The following ERLIN2 variants were observed in gnomAD, a reference collection of about 807,000 sequenced individuals.
ERLIN2 encodes ER lipid raft associated 2.
Under a neutral mutation model 41.5 loss-of-function variants are expected in ERLIN2, and 22 were observed. That is an observed-to-expected ratio of 0.53 (90% CI 0.38 to 0.76). The LOEUF (loss-of-function observed/expected upper bound fraction) is 0.76, where lower values mean the gene tolerates loss of function less well. ERLIN2 is among the 30% of genes least tolerant of loss of function. The pLI is 0.00. For synonymous variants in ERLIN2, 149 were observed against 150.9 expected (o/e 0.99, Z 0.09); for missense variants, 247 against 414.3 (o/e 0.60, Z 3.51).
In ERLIN2 at chr8:37,754,326, T is replaced by C. The variant is rs1803305912; in HGVS notation, c.*211T>C. ...TTTTATTTCAGGTAAGCAGTTTATA[T>C]GACTTCCAATAAGATTTGTAAATCA... On this transcript the variant is annotated 3_prime_UTR_variant, in exon 12 of 12. Coordinates refer to ENST00000519638, the MANE Select transcript of ERLIN2 (RefSeq NM_007175.8). 1.7e-6 allele frequency: 1 copy of C among 577,778 alleles called. No homozygotes were observed. The highest frequency in any genetic ancestry group is 3.1e-6 in the Non-Finnish European group (1 of 323,574). 35.8% of individuals were successfully genotyped at this position (577,778 alleles called of 1,614,324 possible).
At chr8:37,747,530 C>T in intron 6 of ERLIN2, 3 of 1,612,564 alleles carry the variant, frequency 1.9e-6, no homozygotes, top group Non-Finnish European at 2.5e-6. Flanking sequence ...ATGGTAGACA[C>T]AGTGACAGAA....
Position 37,741,948 on chromosome 8 carries a change from T to A in ERLIN2, c.236+130T>A, listed in dbSNP as rs1159501374. 4.1e-6 allele frequency: 3 copies of A among 737,016 alleles called. No individual in the cohort carries two copies. Among genetic ancestry groups the A allele is most frequent in the Non-Finnish European group, 7.3e-6 (3 of 409,528 alleles). The allele number at this position is 737,016 out of a possible 1,614,324, so 45.7% of individuals were successfully genotyped here. On this transcript the variant is annotated intron_variant, in intron 4 of 11. Coordinates refer to ENST00000519638, the MANE Select transcript of ERLIN2 (RefSeq NM_007175.8). This position sits in a 1 kb window ranked among gnomAD's most constrained non-coding sequence, Gnocchi z 4.8. ...TAATTCCCTGTCTCGTAGCTCCCTA[T>A]ATTGATTTGACCAGGTGATGGAGTG...
At chr8:37,747,261 T>C (rs1254158827) in intron 6 of ERLIN2, 2 of 784,598 alleles carry the variant, frequency 2.5e-6, no homozygotes, top group Non-Finnish European at 4.7e-6. Context: ...GGAACCAGTC[T>C]ATGTAATCAA....
intron 6 of ERLIN2, chr8:37,747,935 C>G (rs1485698367): frequency 1.2e-6 from 2 of 1,614,202 alleles, no homozygotes; most frequent in Admixed American, 1.7e-5. Flanking sequence ...AGGGGCTTCT[C>G]GCCGTCGTCA....
rs1216082600 is a variant in ERLIN2, at chr8:37,745,363, G to A, written c.424+667G>A. ...CACTTTAAACAAAAAGATTCCACGT[G>A]CCTAAGTAGATATGTTTTGTCCTTT... On this transcript the variant is annotated intron_variant, in intron 6 of 11. Transcript: ENST00000519638. The A allele has an allele frequency of 6.6e-6, 4 of 601,630 alleles. No homozygotes were observed. The East Asian group carries it at 8.3e-5, about 12-fold the overall frequency. The allele number at this position is 601,630 out of a possible 1,614,324, so 37.3% of individuals were successfully genotyped here. A position where few individuals can be genotyped will look rare whatever the true frequency, so the allele number is the denominator to read the frequency against.
Position 37,750,131 on chromosome 8 carries a change from A to C in ERLIN2, c.558-264A>C. ...GTTCAGTGACTCATGCCCAAGGTGG[A>C]GACAGGAGCAAGAGACCAGTAAGTG... On this transcript the variant is annotated intron_variant, in intron 8 of 11. Coordinates refer to ENST00000519638, the MANE Select transcript of ERLIN2 (RefSeq NM_007175.8). 6 of 620,360 alleles carry C rather than the reference A, an allele frequency of 9.7e-6. No individual in the cohort carries two copies. In the South Asian group the frequency reaches 1.2e-4, roughly 12 times the overall value. 38.4% of individuals were successfully genotyped at this position (620,360 alleles called of 1,614,324 possible). A position where few individuals can be genotyped will look rare whatever the true frequency, so the allele number is the denominator to read the frequency against.
intron 6 of ERLIN2, among the ~76,000 whole-genome samples, chr8:37,748,420 G>C (rs1370597948): frequency 2.0e-5 from 3 of 152,178 alleles, no homozygotes; most frequent in Non-Finnish European, 2.9e-5. Context: ...TTCTCCTTCG[G>C]TGCTCAGAGG....
At chr8:37,744,859 G>T (rs555319267) in intron 6 of ERLIN2, 163 bp downstream of exon 6, 7 of 781,084 alleles carry the variant, frequency 9.0e-6, no homozygotes, top group Non-Finnish European at 1.3e-5. Context: ...AGGAGTTCAT[G>T]GAGAATGCTG....
rs1215985390 is a variant in ERLIN2 at position 37,741,427 on chromosome 8, T to C, written c.190-345T>C. Among the ~76,000 whole-genome samples the C allele has an allele frequency of 1.3e-5, 2 of 152,192 alleles. No individual in the cohort carries two copies. The highest frequency in any genetic ancestry group is 2.9e-5 in the Non-Finnish European group (2 of 68,034). On this transcript the variant is annotated intron_variant, in intron 3 of 11. Transcript: ENST00000519638. This position sits in a 1 kb window ranked among gnomAD's most constrained non-coding sequence, Gnocchi z 4.8. ...TATAGGGTTTGGTACTCTCCCCGGT[T>C]TCAAGCATCCACTGGGGGCCTTCGA...
rs1031178003 is a variant in ERLIN2, at chr8:37,758,275, T to A, written c.*4160T>A. 1 of 152,210 alleles carries A rather than the reference T, an allele frequency of 6.6e-6. No individual in the cohort carries two copies. The highest frequency in any genetic ancestry group is 1.5e-5 in the Non-Finnish European group (1 of 68,040). 9.4% of individuals were successfully genotyped at this position (152,210 alleles called of 1,614,324 possible). A position where few individuals can be genotyped will look rare whatever the true frequency, so the allele number is the denominator to read the frequency against. On this transcript the variant is annotated 3_prime_UTR_variant, in exon 12 of 12. Coordinates refer to ENST00000519638, the MANE Select transcript of ERLIN2 (RefSeq NM_007175.8). ...TATGATCTTAACAATTGAATAGTTATGTTAAGAGTGTAGTTACTGCAGTTA... is the reference window on the plus strand; with the variant it reads ...TATGATCTTAACAATTGAATAGTTAAGTTAAGAGTGTAGTTACTGCAGTTA...
In ERLIN2 at chr8:37,754,168, G is replaced by C. The variant is rs541922619; in HGVS notation, c.*53G>C. The C allele has an allele frequency of 7.6e-7, 1 of 1,317,886 alleles. No individual in the cohort carries two copies. The highest frequency in any genetic ancestry group is 1.5e-5 in the African/African-American group (1 of 68,780). The allele number at this position is 1,317,886 out of a possible 1,614,324, so 81.6% of individuals were successfully genotyped here. A position where few individuals can be genotyped will look rare whatever the true frequency, so the allele number is the denominator to read the frequency against. ...ACTTAAGCAGATCTTTATTTTTTAA[G>C]ATGAATCAGAATGTTCCTCCCTCCC... On this transcript the variant is annotated 3_prime_UTR_variant, in exon 12 of 12. Coordinates refer to ENST00000519638, the MANE Select transcript of ERLIN2 (RefSeq NM_007175.8).
rs1585918582 is a variant in ERLIN2 at position 37,753,520 on chromosome 8, A to G, written c.810A>G (p.Glu270=). The G allele has an allele frequency of 6.2e-7, 1 of 1,613,946 alleles. No individual in the cohort carries two copies. Among genetic ancestry groups the G allele is most frequent in the Non-Finnish European group, 8.5e-7 (1 of 1,179,824 alleles). ...AECYTAMKIA[E]ANKLKLTPEY... ...GCTACACTGCTATGAAAATAGCCGAAGCCAATAAGGTAAAGACCCCGCACA... is the reference window on the plus strand; with the variant it reads ...GCTACACTGCTATGAAAATAGCCGAGGCCAATAAGGTAAAGACCCCGCACA... Residue 270 remains glutamate (E), a synonymous_variant, in exon 11 of 12, where the codon GAA becomes GAG. Transcript: ENST00000519638.
At chr8:37,749,285 T>A (rs1431861909) in intron 6 of ERLIN2, among the ~76,000 whole-genome samples, 1 of 152,210 alleles carries the variant, frequency 6.6e-6, no homozygotes, top group East Asian at 1.9e-4. Context: ...TCTCACCCCC[T>A]GTAGGGCATG....
In ERLIN2 at chr8:37,744,711, C is replaced by G. The variant is rs1273372016; in HGVS notation, c.424+15C>G. 1 of 1,614,138 alleles carries G rather than the reference C, an allele frequency of 6.2e-7. No individual in the cohort carries two copies. On this transcript the variant is annotated intron_variant, in intron 6 of 11. Transcript: ENST00000519638. ...TGAGCTGTTTGGTAAGAAAGTCTCT[C>G]CTGAGCATGCCGTGCTTAAGCAGGG...
At chr8:37,740,322 C>T in intron 2 of ERLIN2, 43 bp from the exon 3 acceptor site, 2 of 1,438,354 alleles carry the variant, frequency 1.4e-6, no homozygotes, top group Non-Finnish European at 2.0e-6. Context: ...ACAGAGCCTT[C>T]TTGCCAAACT....
intron 6 of ERLIN2, chr8:37,745,107 A>G: frequency 1.9e-6 from 1 of 533,104 alleles, no homozygotes; most frequent in Non-Finnish European, 3.3e-6. Flanking sequence ...AAAGTCACAG[A>G]GCCAGATGCC....
intron 6 of ERLIN2, 195 bp downstream of exon 6, chr8:37,744,891 T>C (rs1209035799): frequency 2.8e-6 from 2 of 715,120 alleles, no homozygotes; most frequent in African/African-American, 3.5e-5. Flanking sequence ...ACAAGATCCT[T>C]AGAGGGCTGG....
At chr8:37,753,398 A>G in intron 10 of ERLIN2, 52 bp from the exon 11 acceptor site, 4 of 1,492,782 alleles carry the variant, frequency 2.7e-6, no homozygotes, top group Non-Finnish European at 3.7e-6. Context: ...ACTTCCTGCA[A>G]AGAACTCAGT....
intron 6 of ERLIN2, chr8:37,745,590 A>G (rs771290245): frequency 7.2e-5 from 117 of 1,614,010 alleles, no homozygotes; most frequent in Non-Finnish European, 9.1e-5. Context: ...GATTTTTCCC[A>G]GGAATCTTCA....
Sources: gnomAD v4.1 joint callset for allele counts (sites outside exome capture counted in the v4.1 genomes callset) on GRCh38, gnomAD v4.1.1 for gene constraint, Gnocchi (gnomAD v3.1) non-coding constraint, MANE v1.5 for transcripts, NCBI Gene and HGNC (gene_info 2026-07-23, HGNC 2026-07-21) for gene names.